The following MYOM1 variants were observed in gnomAD, a reference collection of about 807,000 sequenced individuals.
The protein encoded by MYOM1 is myomesin 1, also known as myomesin-1.
In MYOM1, 164 loss-of-function variants were observed where a neutral mutation model predicts 205.3. The ratio of observed to expected loss-of-function variants is 0.80; its 90% CI spans 0.70 to 0.91. MYOM1 has a LOEUF of 0.91. MYOM1 is among the 40% of genes least tolerant of loss of function. The pLI is 0.00. For missense variants in MYOM1, 2,011 were observed against 2,127.3 expected (o/e 0.95, Z 1.08); for synonymous variants, 772 against 789.4 (o/e 0.98, Z 0.37).
chr18:3,101,937 C>T (rs1041810174), intron 23 of MYOM1, among the ~76,000 whole-genome samples: 1 of 150,936 alleles, frequency 6.6e-6, no homozygotes, highest in African/African-American at 2.4e-5. Context: ...CTTTCTGCCT[C>T]AGCCTCCTGA....
At chr18:3,102,392 G>A in intron 23 of MYOM1, 82 bp downstream of exon 23, 4 of 1,320,066 alleles carry the variant, frequency 3.0e-6, no homozygotes, top group Non-Finnish European at 4.1e-6. Context: ...CTTATTCCAA[G>A]CAATTTAAGT....
rs141197978 is a variant in MYOM1, at chr18:3,091,726, ATTAT to A, written c.3865-928_3865-925del. On this transcript the variant is annotated intron_variant, in intron 26 of 37. Transcript: ENST00000356443. ...ACTCTCACATTACCTTCCAGATTACATTATTTATTTATTTATTTATTTAGAGACG... is the reference window on the plus strand; with the variant it reads ...ACTCTCACATTACCTTCCAGATTACATTATTTATTTATTTATTTAGAGACG... Among the ~76,000 whole-genome samples the A allele has an allele frequency of 1.1e-3, 173 of 151,564 alleles. 2 individuals carry two copies. The highest frequency in any genetic ancestry group is 3.7e-3 in the African/African-American group (152 of 41,332).
intron 17 of MYOM1, among the ~76,000 whole-genome samples, chr18:3,130,207 T>G (rs967906520): frequency 2.0e-5 from 3 of 152,050 alleles, no homozygotes; most frequent in African/African-American, 7.2e-5. Context: ...CATACCCGGC[T>G]AATTTTTGTA....
At chr18:3,136,133 T>C (rs1396908609) in intron 14 of MYOM1, among the ~76,000 whole-genome samples, 4 of 141,400 alleles carry the variant, frequency 2.8e-5, no homozygotes, top group Admixed American at 7.1e-5. Context: ...CTGTCTTGCC[T>C]GCCACCGTGT....
At chr18:3,176,536 T>C (rs553706870) in intron 5 of MYOM1, among the ~76,000 whole-genome samples, 1 of 152,312 alleles carries the variant, frequency 6.6e-6, no homozygotes, top group African/African-American at 2.4e-5. Context: ...AGGAGGCTTC[T>C]TGGGTGTCAA....
intron 20 of MYOM1, among the ~76,000 whole-genome samples, chr18:3,118,629 C>T (rs1459274261): frequency 6.6e-6 from 1 of 152,174 alleles, no homozygotes; most frequent in Non-Finnish European, 1.5e-5. Flanking sequence ...CCACCGCACC[C>T]AGCCAACGAC....
In MYOM1 at chr18:3,193,347, C is replaced by CAT. The variant is rs546949478; in HGVS notation, c.431+469_431+470dup. ...ACATATACATATATATGTACATATA[C>CAT]ATATATATATATATACACACACACA... On this transcript the variant is annotated intron_variant, in intron 3 of 37. Coordinates refer to ENST00000356443, the MANE Select transcript of MYOM1 (RefSeq NM_003803.4). 3.4e-3 allele frequency among the ~76,000 whole-genome samples: 484 copies of CAT among 140,762 alleles called. 2 individuals carry two copies. The highest frequency in any genetic ancestry group is 6.7e-3 in the Admixed American group (95 of 14,126). 92.3% of individuals were successfully genotyped at this position (140,762 alleles called of 152,430 possible).
intron 22 of MYOM1, among the ~76,000 whole-genome samples, chr18:3,109,784 T>A (rs1384038231): frequency 6.6e-6 from 1 of 152,200 alleles, no homozygotes; most frequent in African/African-American, 2.4e-5. Flanking sequence ...ATTATTATTA[T>A]TTTTTCTTTC....
Position 3,085,047 on chromosome 18 carries a change from T to A in MYOM1, c.4337A>T (p.Glu1446Val). The A allele has an allele frequency of 6.2e-7, 1 of 1,602,238 alleles. No individual in the cohort carries two copies. The highest frequency in any genetic ancestry group is 8.5e-7 in the Non-Finnish European group (1 of 1,173,774). ...KDKSRLKLVD[E>V]AFKELMMEVC... ...ACCCCAGCAGTTGGTGGACTGACCT[T>A]CATCCACAAGCTTCAGTCTGCTCTT... The change falls in exon 31 of 38, where the codon GAA (glutamate) becomes GTA (valine). Residue 1446 changes from glutamate to valine, a missense_variant and splice_region_variant. Glu to Val is a moderately radical substitution (Grantham distance 121). Transcript: ENST00000356443.
Position 3,135,583 on chromosome 18 carries a change from C to A in MYOM1, c.2173G>T (p.Glu725Ter), listed in dbSNP as rs201817118. ...SNSAGVGEPS[E>*]ATEVTVVGDK... The stretch of plus-strand genomic sequence containing the variant: ...CCTACCACAGTCACCTCCGTTGCCT[C>A]TGAGGGCTCACCAACTCCTGCAGAA... Residue 725 changes from glutamate to a stop codon, truncating the protein, a stop_gained, in exon 15 of 38, where the codon GAG becomes TAG. Coordinates refer to ENST00000356443, the MANE Select transcript of MYOM1 (RefSeq NM_003803.4). LOFTEE classifies it high-confidence loss of function. The surrounding 1 kb of genome is among the most constrained non-coding windows in gnomAD (Gnocchi z 4.1). 2.5e-6 allele frequency: 4 copies of A among 1,613,834 alleles called. No homozygotes were observed. In the South Asian group the frequency reaches 3.3e-5, roughly 13 times the overall value.
the MYOM1 span, among the ~76,000 whole-genome samples, chr18:3,240,002 G>T: frequency 6.6e-6 from 1 of 152,090 alleles, no homozygotes; most frequent in South Asian, 2.1e-4. Flanking sequence ...ACTGAATAAA[G>T]TGGGCACTAT....
Position 3,135,776 on chromosome 18 carries a change from G to C in MYOM1, c.2026-46C>G. 6.2e-7 allele frequency: 1 copy of C among 1,604,456 alleles called. No individual in the cohort carries two copies. On this transcript the variant is annotated intron_variant, in intron 14 of 37. Transcript: ENST00000356443. This position sits in a 1 kb window ranked among gnomAD's most constrained non-coding sequence, Gnocchi z 4.1. The stretch of plus-strand genomic sequence containing the variant: ...CCCATTGAAAGCACAGCAAACACAA[G>C]CGAGAATCCAGGCCAGGCAACTCCA...
At chr18:3,150,088 C>G (rs1051483842) in intron 12 of MYOM1, among the ~76,000 whole-genome samples, 85 of 152,210 alleles carry the variant, frequency 5.6e-4, no homozygotes, top group African/African-American at 1.9e-3. Flanking sequence ...CAGATGGAGT[C>G]TCGCTCTGTC....
At chr18:3,194,464 T>TA (rs760810313) in intron 2 of MYOM1, among the ~76,000 whole-genome samples, 4 of 152,176 alleles carry the variant, frequency 2.6e-5, no homozygotes, top group Non-Finnish European at 5.9e-5. Context: ...TATTAAATGA[T>TA]AGAGTTAACA....
At chr18:3,126,935 GCA>G (rs761128486) in intron 18 of MYOM1, 38 bp from the exon 19 acceptor site, 6 of 1,538,712 alleles carry the variant, frequency 3.9e-6, no homozygotes, top group Non-Finnish European at 5.3e-6. Flanking sequence ...AGGCAGAAAT[GCA>G]TTTATGATTC....
chr18:3,090,685 G>A lies in MYOM1; in HGVS notation c.3982C>T (p.His1328Tyr). The change falls in exon 27 of 38, where the codon CAT (histidine) becomes TAT (tyrosine). Residue 1328 changes from histidine (H) to tyrosine (Y), a missense_variant. Physicochemically the swap from His to Tyr is moderately conservative, Grantham distance 83 (BLOSUM62 2). Transcript: ENST00000356443. ...FQLQDGKATN[H>Y]STVVLVGDVF... ...TCTCCAACGAGAACAACAGTAGAAT[G>A]GTTAGTTGCTTTTCCATCTTGAAGC... 1 of 1,613,940 alleles carries A rather than the reference G, an allele frequency of 6.2e-7. No individual in the cohort carries two copies. Among genetic ancestry groups the A allele is most frequent in the Non-Finnish European group, 8.5e-7 (1 of 1,179,874 alleles).
rs376178195 is a variant in MYOM1 at position 3,209,737 on chromosome 18, A to G, written c.290+5197T>C. On this transcript the variant is annotated intron_variant, in intron 2 of 37. Transcript: ENST00000356443. This position sits in a 1 kb window ranked among gnomAD's most constrained non-coding sequence, Gnocchi z 4.0. ...TCTGAGCTACTTCACTTCTTTGCTC[A>G]GATATCACCTTCTCAACAAGGCCTG... is the stretch of plus-strand genomic sequence containing the variant. Among the ~76,000 whole-genome samples, 10 of 152,194 alleles carry G rather than the reference A, an allele frequency of 6.6e-5. No individual in the cohort carries two copies. Among genetic ancestry groups the G allele is most frequent in the African/African-American group, 2.4e-4 (10 of 41,444 alleles).
chr18:3,142,146 C>A, intron 13 of MYOM1, 83 bp from the exon 14 acceptor site: 1 of 1,493,892 alleles, frequency 6.7e-7, no homozygotes, highest in Admixed American at 2.0e-5. Context: ...TGCTCTCCTC[C>A]TGAGGAAGAG....
At chr18:3,168,690 A>T in intron 9 of MYOM1, 127 bp downstream of exon 9, 5 of 881,452 alleles carry the variant, frequency 5.7e-6, no homozygotes, top group Non-Finnish European at 8.5e-6. Context: ...ACATGTGAAA[A>T]CCTTTTAATC....
Sources: allele counts gnomAD v4.1 joint callset (sites outside exome capture counted in the v4.1 genomes callset), GRCh38; gene constraint gnomAD v4.1.1; non-coding constraint Gnocchi (gnomAD v3.1); transcripts MANE v1.5; gene names NCBI Gene and HGNC (gene_info 2026-07-23, HGNC 2026-07-21).